Variants in DRC4 observed in about 807,000 individuals in gnomAD.
DRC4 encodes dynein regulatory complex subunit 4.
the DRC4 span, chr16:90,037,745 C>T: frequency 2.5e-6 from 4 of 1,610,364 alleles, no homozygotes; most frequent in South Asian, 4.4e-5. Context: ...GTCCCCTACT[C>T]CCTGTTTTTC....
chr16:90,043,882 G>A, the DRC4 span: 44 of 458,534 alleles, frequency 9.6e-5, no homozygotes, highest in Non-Finnish European at 1.3e-4. Context: ...GTGCGGGAAC[G>A]GGCAGGCAGC....
At chr16:90,028,331 C>T in the DRC4 span, among the ~76,000 whole-genome samples, 1 of 151,776 alleles carries the variant, frequency 6.6e-6, no homozygotes, top group African/African-American at 2.4e-5. Flanking sequence ...ACTACAGGCA[C>T]CTGCCACCAC....
At chr16:90,036,374 C>T in the DRC4 span, 2 of 1,595,540 alleles carry the variant, frequency 1.3e-6, no homozygotes, top group South Asian at 1.1e-5. Context: ...TTGCTGCTGC[C>T]TTTCAGAAAT....
At chr16:90,038,712 T>A in the DRC4 span, among the ~76,000 whole-genome samples, 1 of 152,162 alleles carries the variant, frequency 6.6e-6, no homozygotes, top group Non-Finnish European at 1.5e-5. Flanking sequence ...GGTTTAAACC[T>A]TTGCAGAAGT....
the DRC4 span, chr16:90,020,133 T>C: frequency 6.7e-6 from 4 of 593,142 alleles, no homozygotes; most frequent in Non-Finnish European, 1.2e-5. Flanking sequence ...AAGCAAATTA[T>C]ATACACATTA....
chr16:90,027,747 G>A, the DRC4 span: 2 of 1,609,126 alleles, frequency 1.2e-6, no homozygotes, highest in Non-Finnish European at 1.7e-6. Context: ...CTGTGGCCCA[G>A]TCCCCGGGTG....
chr16:90,041,574 G>C, the DRC4 span, among the ~76,000 whole-genome samples: 8 of 152,212 alleles, frequency 5.3e-5, no homozygotes, highest in African/African-American at 1.9e-4. Context: ...GGGAGGCTGA[G>C]GTGGGCAGAT....
the DRC4 span, chr16:90,040,532 A>G: frequency 6.4e-7 from 1 of 1,563,206 alleles, no homozygotes; most frequent in Non-Finnish European, 8.7e-7. Context: ...CAGGCTCCTG[A>G]CCCCAGTGGG....
chr16:90,037,194 C>T, the DRC4 span: 1 of 1,556,128 alleles, frequency 6.4e-7, no homozygotes, highest in Non-Finnish European at 8.7e-7. Flanking sequence ...TTGGTTCTGC[C>T]TGCTGAGCCC....
chr16:90,043,977 TG>T, the DRC4 span: 1 of 415,716 alleles, frequency 2.4e-6, no homozygotes, highest in Admixed American at 3.1e-5. Flanking sequence ...TTGCTGGTGA[TG>T]GTTAAAACAA....
chr16:90,026,695 G>A, the DRC4 span, among the ~76,000 whole-genome samples: 5 of 151,426 alleles, frequency 3.3e-5, no homozygotes, highest in African/African-American at 1.2e-4. Flanking sequence ...CCCTCTCTTA[G>A]TTTTTGGAGA....
the DRC4 span, among the ~76,000 whole-genome samples, chr16:90,033,836 C>A: frequency 6.6e-6 from 1 of 151,472 alleles, no homozygotes; most frequent in East Asian, 2.0e-4. Flanking sequence ...GGAAGAGTGC[C>A]ATAGAAGGAT....
chr16:90,032,488 C>T, the DRC4 span, among the ~76,000 whole-genome samples: 1,811 of 142,200 alleles, frequency 0.013, 12 homozygotes, highest in African/African-American at 0.023. Flanking sequence ...CAGGTGTGTA[C>T]GGGTACGGAC....
At chr16:90,022,182 T>A in the DRC4 span, 1 of 152,514 alleles carries the variant, frequency 6.6e-6, no homozygotes, top group Non-Finnish European at 1.5e-5. Context: ...AACGTATTTT[T>A]CTTTCCGATT....
the DRC4 span, among the ~76,000 whole-genome samples, chr16:90,020,429 T>C: frequency 6.6e-6 from 1 of 152,106 alleles, no homozygotes; most frequent in Non-Finnish European, 1.5e-5. Context: ...TGGTGGATAG[T>C]GGGTGGCAGG....
the DRC4 span, among the ~76,000 whole-genome samples, chr16:90,025,017 CTTT>C: frequency 5.1e-5 from 7 of 137,322 alleles, no homozygotes; most frequent in Admixed American, 7.2e-5. Context: ...TTCTCTCTCT[CTTT>C]TTTTTTTTTT....
chr16:90,021,833 G>A, the DRC4 span, among the ~76,000 whole-genome samples: 1 of 133,850 alleles, frequency 7.5e-6, no homozygotes, highest in Admixed American at 8.8e-5. Context: ...CACAGCCTAG[G>A]CGACAGAAGG....
chr16:90,030,649 C>T, the DRC4 span, among the ~76,000 whole-genome samples: 2 of 151,962 alleles, frequency 1.3e-5, no homozygotes, highest in African/African-American at 2.4e-5. Context: ...CAGATTCTCA[C>T]TCTGTCACCC....
the DRC4 span, chr16:90,043,190 C>T: frequency 1.9e-6 from 3 of 1,608,346 alleles, no homozygotes; most frequent in African/African-American, 1.3e-5. Flanking sequence ...TGCCCTGTCT[C>T]CACAGGCCCA....
Sources: allele counts gnomAD v4.1 joint callset (sites outside exome capture counted in the v4.1 genomes callset), GRCh38; gene constraint gnomAD v4.1.1; transcripts MANE v1.5; gene names NCBI Gene and HGNC (gene_info 2026-07-23, HGNC 2026-07-21).